The following CTNNA3 variants were observed in gnomAD, a reference collection of about 807,000 sequenced individuals.
CTNNA3 encodes the protein catenin alpha-3.
Under a neutral mutation model 95.7 loss-of-function variants are expected in CTNNA3, and 76 were observed. That is an observed-to-expected ratio of 0.79 (90% CI 0.66 to 0.96). The LOEUF is 0.96. Ranked by LOEUF, CTNNA3 falls within the 40% of genes least tolerant of loss-of-function variation. The probability of loss-of-function intolerance (pLI) is 0.00; values close to 1 mark genes in which losing one functional copy is unlikely to be tolerated. For missense variants in CTNNA3, 1,191 were observed against 1,089.8 expected, an observed-to-expected ratio of 1.09 and a Z score of -1.31; for synonymous variants, 431 against 374.4, an observed-to-expected ratio of 1.15 and a Z score of -1.74.
intron 10 of CTNNA3, among the ~76,000 whole-genome samples, chr10:66,603,950 A>T (rs1266865955): frequency 6.6e-6 from 1 of 152,122 alleles, no homozygotes; most frequent in Non-Finnish European, 1.5e-5. Flanking sequence ...AAAAACATAA[A>T]CATAAGATCT....
intron 11 of CTNNA3, among the ~76,000 whole-genome samples, chr10:66,480,673 C>T (rs1358302122): frequency 1.3e-5 from 2 of 152,056 alleles, no homozygotes; most frequent in Admixed American, 6.6e-5. Flanking sequence ...GGCGCAATCT[C>T]GGCTCACTGC....
At chr10:66,149,490 TCAATC>T (rs1012004990) in intron 13 of CTNNA3, among the ~76,000 whole-genome samples, 4 of 151,424 alleles carry the variant, frequency 2.6e-5, no homozygotes, top group Non-Finnish European at 5.9e-5. Flanking sequence ...GGTACTGAAT[TCAATC>T]AAATCATTTT....
chr10:66,931,419 A>G (rs964285510), intron 7 of CTNNA3, among the ~76,000 whole-genome samples: 1 of 152,202 alleles, frequency 6.6e-6, no homozygotes, highest in Non-Finnish European at 1.5e-5. Flanking sequence ...TTGCATTGAA[A>G]TGAGTTTGTA....
chr10:67,230,721 G>A (rs1286700860), intron 5 of CTNNA3, among the ~76,000 whole-genome samples: 3 of 152,198 alleles, frequency 2.0e-5, no homozygotes, highest in East Asian at 1.9e-4. Flanking sequence ...CAGCTTGAGC[G>A]ACGCAGAAGA....
intron 10 of CTNNA3, among the ~76,000 whole-genome samples, chr10:66,593,409 G>A (rs923381010): frequency 1.3e-5 from 2 of 152,156 alleles, no homozygotes; most frequent in Non-Finnish European, 2.9e-5. Context: ...AGGTGAATCT[G>A]TAGTTTGCAT....
chr10:66,600,826 G>T (rs182666872), intron 10 of CTNNA3, among the ~76,000 whole-genome samples: 4 of 151,952 alleles, frequency 2.6e-5, no homozygotes, highest in Non-Finnish European at 4.4e-5. Context: ...CTTAAATGTT[G>T]AAAAGTAAGA....
intron 9 of CTNNA3, among the ~76,000 whole-genome samples, chr10:66,648,257 G>A (rs1015942370): frequency 2.0e-5 from 3 of 152,118 alleles, no homozygotes; most frequent in African/African-American, 4.8e-5. Context: ...TGGGGTAAGG[G>A]ACCCTGTGTT....
chr10:67,579,521 C>T (rs1446589407), intron 3 of CTNNA3, among the ~76,000 whole-genome samples: 2 of 152,086 alleles, frequency 1.3e-5, no homozygotes, highest in Non-Finnish European at 2.9e-5. Flanking sequence ...CATACGTGTG[C>T]ATGTGTCTTT....
intron 1 of CTNNA3, among the ~76,000 whole-genome samples, chr10:67,680,296 C>T (rs924536792): frequency 1.3e-5 from 2 of 152,190 alleles, no homozygotes; most frequent in African/African-American, 4.8e-5. Flanking sequence ...AGTACAAAAG[C>T]ATTTCATATT....
Position 66,335,877 on chromosome 10 carries a change from C to A in CTNNA3, c.1732+43275G>T, listed in dbSNP as rs568788713. 5.5e-4 allele frequency among the ~76,000 whole-genome samples: 83 copies of A among 152,182 alleles called. 2 individuals carry two copies. The South Asian group carries it at 6.2e-3, about 11-fold the overall frequency. On this transcript the variant is annotated intron_variant, in intron 12 of 17. Transcript: ENST00000433211. ...TCTCCTTGAGCTGTGGTGGGCTCCA[C>A]CCAGTTTGAGCTTCCCAGCCGCTTT...
chr10:66,495,180 T>C (rs1840059460), intron 11 of CTNNA3, among the ~76,000 whole-genome samples: 1 of 152,170 alleles, frequency 6.6e-6, no homozygotes, highest in African/African-American at 2.4e-5. Context: ...TAAACCACTA[T>C]GACTTAGAAG....
chr10:66,894,227 G>A (rs549011931), intron 7 of CTNNA3, among the ~76,000 whole-genome samples: 1 of 152,112 alleles, frequency 6.6e-6, no homozygotes, highest in Non-Finnish European at 1.5e-5. Flanking sequence ...TTGCAGAGAT[G>A]GTTAATAACT....
intron 11 of CTNNA3, among the ~76,000 whole-genome samples, chr10:66,426,433 C>A (rs2093242016): frequency 6.6e-6 from 1 of 151,976 alleles, no homozygotes; most frequent in African/African-American, 2.4e-5. Flanking sequence ...ACTCTTCTTG[C>A]TGAAGAAATA....
intron 10 of CTNNA3, among the ~76,000 whole-genome samples, chr10:66,549,287 C>A (rs985658850): frequency 6.6e-6 from 1 of 152,138 alleles, no homozygotes; most frequent in African/African-American, 2.4e-5. Context: ...TGAGCCACCA[C>A]GCCCGGCCGC....
At chr10:67,701,292 T>A (rs956458349) in intron 1 of CTNNA3, among the ~76,000 whole-genome samples, 4 of 152,012 alleles carry the variant, frequency 2.6e-5, no homozygotes, top group Non-Finnish European at 5.9e-5. Flanking sequence ...AAGATACTCC[T>A]CGAGAAGAGC....
intron 12 of CTNNA3, among the ~76,000 whole-genome samples, chr10:66,336,956 G>A (rs1270281179): frequency 6.6e-6 from 1 of 151,932 alleles, no homozygotes; most frequent in Non-Finnish European, 1.5e-5. Flanking sequence ...TTTTTCCAGA[G>A]GCTGCATGAA....
At chr10:66,777,651 C>A (rs571908354) in intron 7 of CTNNA3, among the ~76,000 whole-genome samples, 4 of 152,118 alleles carry the variant, frequency 2.6e-5, no homozygotes, top group Middle Eastern at 3.4e-3. Context: ...AAGAACCCAG[C>A]CCTTATTCTC....
chr10:66,842,182 A>G (rs1048977858), intron 7 of CTNNA3, among the ~76,000 whole-genome samples: 2 of 152,018 alleles, frequency 1.3e-5, no homozygotes, highest in African/African-American at 4.8e-5. Context: ...GGCTCAAGCA[A>G]TCCTCCTGCC....
At chr10:67,724,653 A>T (rs1841198821) in intron 1 of CTNNA3, among the ~76,000 whole-genome samples, 1 of 152,216 alleles carries the variant, frequency 6.6e-6, no homozygotes, top group Non-Finnish European at 1.5e-5. Flanking sequence ...AACAATTGCC[A>T]GCTCTTATGC....
Sources: allele counts gnomAD v4.1 joint callset (sites outside exome capture counted in the v4.1 genomes callset), GRCh38; gene constraint gnomAD v4.1.1; transcripts MANE v1.5; gene names NCBI Gene and HGNC (gene_info 2026-07-23, HGNC 2026-07-21).